ACVR1B: variants seen among roughly 807,000 people sequenced by gnomAD.
The protein encoded by ACVR1B is activin A receptor type 1B.
ACVR1B carries 15 observed loss-of-function variants against 55.6 expected under a neutral mutation model. The observed-to-expected ratio is 0.27, with a 90% CI of 0.18 to 0.42. ACVR1B has a LOEUF of 0.42. ACVR1B is among the 10% of genes least tolerant of loss of function. ACVR1B has a pLI of 1.00. For synonymous variants in ACVR1B, 247 were observed against 254.6 expected (o/e 0.97, Z 0.28); for missense variants, 359 against 670.1 (o/e 0.54, Z 5.13).
intron 7 of ACVR1B, 122 bp downstream of exon 7, chr12:51,987,064 A>T (rs1343847033): frequency 7.3e-7 from 1 of 1,374,798 alleles, no homozygotes; most frequent in Non-Finnish European, 1.0e-6. Context: ...AGCCTGAATC[A>T]TCGTTTAAGG....
At chr12:51,965,232 A>G (rs1388182183) in intron 1 of ACVR1B, among the ~76,000 whole-genome samples, 1 of 152,114 alleles carries the variant, frequency 6.6e-6, no homozygotes, top group Non-Finnish European at 1.5e-5. Flanking sequence ...CTGGGGCAGG[A>G]ATTAGAGGGG....
chr12:51,993,346 A>G (rs893888991), intron 8 of ACVR1B, among the ~76,000 whole-genome samples: 4 of 152,198 alleles, frequency 2.6e-5, no homozygotes, highest in Non-Finnish European at 5.9e-5. Flanking sequence ...TGCATCATAG[A>G]GCAGCACTTC....
At chr12:51,970,058 T>G (rs1382091757) in intron 1 of ACVR1B, among the ~76,000 whole-genome samples, 5 of 152,164 alleles carry the variant, frequency 3.3e-5, no homozygotes, top group African/African-American at 1.2e-4. Context: ...TCCCTGGAGA[T>G]GAACTGCAGG....
At chr12:51,975,158 C>G (rs1941824110) in intron 1 of ACVR1B, 107 bp from the exon 2 acceptor site, 18 of 1,479,168 alleles carry the variant, frequency 1.2e-5, no homozygotes, top group Non-Finnish European at 1.5e-5. Context: ...TCTATAAAAA[C>G]TGTTTTGGAA....
At chr12:51,993,735 C>CCAG (rs1942239471) in intron 8 of ACVR1B, among the ~76,000 whole-genome samples, 1 of 131,004 alleles carries the variant, frequency 7.6e-6, no homozygotes, top group African/African-American at 2.9e-5. Flanking sequence ...CCACTGCACT[C>CCAG]CAGCCTGGGT....
chr12:51,958,592 C>T (rs1044804467), intron 1 of ACVR1B, among the ~76,000 whole-genome samples: 1 of 150,218 alleles, frequency 6.7e-6, no homozygotes, highest in African/African-American at 2.5e-5. Context: ...AGGTTGCAGT[C>T]AGCCGAGATC....
rs1942274671 is a variant in ACVR1B, at chr12:51,995,030, G to C, written c.*920G>C. ...GTTGTCCATGACAAAAGAGGCTTTT[G>C]GGCCAAAATGTGAGGGTGGTGGGTG... On this transcript the variant is annotated 3_prime_UTR_variant, in exon 9 of 9. Transcript: ENST00000257963. 1 of 152,810 alleles carries C rather than the reference G, an allele frequency of 6.5e-6. No homozygotes were observed. The highest frequency in any genetic ancestry group is 2.4e-5 in the African/African-American group (1 of 41,430). The allele number at this position is 152,810 out of a possible 1,614,324, so 9.5% of individuals were successfully genotyped here. A position where few individuals can be genotyped will look rare whatever the true frequency, so the allele number is the denominator to read the frequency against.
intron 7 of ACVR1B, among the ~76,000 whole-genome samples, chr12:51,989,158 A>G (rs921834416): frequency 8.5e-5 from 13 of 152,140 alleles, no homozygotes; most frequent in Middle Eastern, 6.8e-3. Context: ...CAGGAGGTTG[A>G]GGTAGGAGAG....
At chr12:51,966,963 G>A (rs186355390) in intron 1 of ACVR1B, among the ~76,000 whole-genome samples, 2 of 152,262 alleles carry the variant, frequency 1.3e-5, no homozygotes, top group African/African-American at 2.4e-5. Context: ...AAGGTAGGCC[G>A]GGCGCAGTGG....
At chr12:51,960,479 A>G (rs1331244631) in intron 1 of ACVR1B, among the ~76,000 whole-genome samples, 1 of 152,212 alleles carries the variant, frequency 6.6e-6, no homozygotes, top group Non-Finnish European at 1.5e-5. Flanking sequence ...ACTACCACAA[A>G]CTATGAGGAG....
At chr12:51,993,500 C>T (rs989467212) in intron 8 of ACVR1B, among the ~76,000 whole-genome samples, 6 of 152,078 alleles carry the variant, frequency 3.9e-5, no homozygotes, top group African/African-American at 1.2e-4. Context: ...CGCGGTGGCT[C>T]ATGCCTGTAA....
At chr12:51,982,634 G>A in intron 4 of ACVR1B, 1 of 1,461,626 alleles carries the variant, frequency 6.8e-7, no homozygotes, top group Non-Finnish European at 9.0e-7. Flanking sequence ...AGAAGTTAGT[G>A]TCTACAAAGC....
rs1309746130 is a variant in ACVR1B, at chr12:51,976,409, G to A, written c.414G>A (p.Leu138=). 4 of 1,614,014 alleles carry A rather than the reference G, an allele frequency of 2.5e-6. No individual in the cohort carries two copies. In the African/African-American group the frequency reaches 4.0e-5, roughly 16 times the overall value. ...TCATCGCCGGCCCGGTGTTCCTCCT[G>A]TTCCTCATCATCATCATTGTTTTCC... ...VGIIAGPVFL[L]FLIIIIVFLV... Residue 138 remains leucine, a synonymous_variant, in exon 3 of 9, where the codon CTG becomes CTA. Coordinates refer to ENST00000257963, the MANE Select transcript of ACVR1B (RefSeq NM_004302.5).
In ACVR1B at chr12:51,980,960, G is replaced by C. The variant is rs1436568917; in HGVS notation, c.581-9G>C. The C allele has an allele frequency of 6.3e-7, 1 of 1,576,428 alleles. No homozygotes were observed. Among genetic ancestry groups the C allele is most frequent in the East Asian group, 2.2e-5 (1 of 44,462 alleles). ...AATGTCAGGTTTCTTCCTATTCTTT[G>C]GTTCACAGGGTTACCCCTCTTTGTC... is the stretch of plus-strand genomic sequence containing the variant. On this transcript the variant is annotated splice_polypyrimidine_tract_variant and intron_variant, in intron 3 of 8. Transcript: ENST00000257963.
intron 1 of ACVR1B, among the ~76,000 whole-genome samples, chr12:51,952,466 G>T (rs980678726): frequency 6.6e-6 from 1 of 152,174 alleles, no homozygotes; most frequent in Non-Finnish European, 1.5e-5. Flanking sequence ...GTTCAGTGGG[G>T]CAATCCCCCC....
rs201049342 is a variant in ACVR1B, at chr12:51,976,547, C to T, written c.552C>T (p.Tyr184=). Residue 184 remains tyrosine (Y), a synonymous_variant, in exon 3 of 9, where the codon TAC becomes TAT. Transcript: ENST00000257963. ...ACAAGACGCTCCAGGATCTTGTCTACGATCTCTCCACCTCAGGGTCTGGCT... is the reference window on the plus strand; with the variant it reads ...ACAAGACGCTCCAGGATCTTGTCTATGATCTCTCCACCTCAGGGTCTGGCT... The part of the protein sequence containing the change: ...SKDKTLQDLV[Y]DLSTSGSGSG... The T allele has an allele frequency of 4.1e-5, 66 of 1,613,588 alleles. No homozygotes were observed. The highest frequency in any genetic ancestry group is 4.7e-5 in the Non-Finnish European group (56 of 1,180,040).
At chr12:51,973,601 T>A (rs1314662532) in intron 1 of ACVR1B, among the ~76,000 whole-genome samples, 1 of 152,186 alleles carries the variant, frequency 6.6e-6, no homozygotes, top group Non-Finnish European at 1.5e-5. Flanking sequence ...TCTAAATGGG[T>A]TAGAATAAAA....
At chr12:51,978,039 C>G (rs1334961326) in intron 3 of ACVR1B, among the ~76,000 whole-genome samples, 1 of 151,972 alleles carries the variant, frequency 6.6e-6, no homozygotes, top group Non-Finnish European at 1.5e-5. Context: ...TTCTGCTTGA[C>G]ACGGGAGTAC....
chr12:51,953,482 C>T, intron 1 of ACVR1B: 1 of 984,524 alleles, frequency 1.0e-6, no homozygotes, highest in Non-Finnish European at 1.2e-6. Flanking sequence ...GGTGTATGAA[C>T]AGAGCTTGAC....
Sources: allele counts gnomAD v4.1 joint callset (sites outside exome capture counted in the v4.1 genomes callset), GRCh38; gene constraint gnomAD v4.1.1; transcripts MANE v1.5; gene names NCBI Gene and HGNC (gene_info 2026-07-23, HGNC 2026-07-21).